The following SCHIP1 variants were observed in gnomAD, a reference collection of about 807,000 sequenced individuals.
The protein encoded by SCHIP1 is schwannomin interacting protein 1.
Under a neutral mutation model 29.7 loss-of-function variants are expected in SCHIP1, and 8 were observed. The ratio of observed to expected loss-of-function variants is 0.27; its 90% CI spans 0.16 to 0.49. The LOEUF (loss-of-function observed/expected upper bound fraction) is 0.49, where lower values mean the gene tolerates loss of function less well. Among genes scored for constraint, SCHIP1 ranks in the 20% least tolerant of loss-of-function variants. SCHIP1 has a pLI of 0.99. For synonymous variants in SCHIP1, 76 were observed against 94.9 expected (o/e 0.80, Z 1.16); for missense variants, 193 against 294.6 (o/e 0.66, Z 2.52).
At chr3:159,524,317 T>G in the SCHIP1 span, among the ~76,000 whole-genome samples, 7 of 152,366 alleles carry the variant, frequency 4.6e-5, no homozygotes, top group Admixed American at 4.6e-4. Flanking sequence ...TCTCTCTCCC[T>G]TGGTCTATCC....
the SCHIP1 span, among the ~76,000 whole-genome samples, chr3:159,324,881 T>C: frequency 2.0e-5 from 3 of 152,118 alleles, no homozygotes; most frequent in African/African-American, 7.2e-5. Flanking sequence ...ATCTGAGTGA[T>C]CTAAAAAAAG....
chr3:159,814,380 T>C, the SCHIP1 span, among the ~76,000 whole-genome samples: 19,440 of 152,270 alleles, frequency 0.13, 1,464 homozygotes, highest in Middle Eastern at 0.29. Flanking sequence ...ATAAACTTCC[T>C]GCCTGTGAAT....
chr3:159,312,082 A>T, the SCHIP1 span, among the ~76,000 whole-genome samples: 1 of 152,222 alleles, frequency 6.6e-6, no homozygotes, highest in African/African-American at 2.4e-5. Context: ...CTGGAAAGAC[A>T]TTCAAGCATG....
the SCHIP1 span, among the ~76,000 whole-genome samples, chr3:159,586,788 G>A: frequency 6.6e-6 from 1 of 151,660 alleles, no homozygotes; most frequent in African/African-American, 2.4e-5. Context: ...GAATGATGAG[G>A]CCTGAAGTCC....
chr3:159,324,879 G>C, the SCHIP1 span, among the ~76,000 whole-genome samples: 1 of 151,938 alleles, frequency 6.6e-6, no homozygotes, highest in Admixed American at 6.6e-5. Flanking sequence ...TTATCTGAGT[G>C]ATCTAAAAAA....
At chr3:159,546,509 C>A in the SCHIP1 span, among the ~76,000 whole-genome samples, 2 of 151,946 alleles carry the variant, frequency 1.3e-5, no homozygotes, top group African/African-American at 2.4e-5. Flanking sequence ...ACCTCTCAAC[C>A]CATCATCTAG....
the SCHIP1 span, among the ~76,000 whole-genome samples, chr3:159,318,607 G>A: frequency 1.3e-5 from 2 of 152,146 alleles, no homozygotes; most frequent in African/African-American, 4.8e-5. Flanking sequence ...CTCTTCCTCT[G>A]TCAATTGATA....
At chr3:159,850,415 G>A (rs138224151) in intron 1 of SCHIP1, among the ~76,000 whole-genome samples, 5 of 152,004 alleles carry the variant, frequency 3.3e-5, no homozygotes, top group East Asian at 1.9e-4. Context: ...TTAGCTGGGC[G>A]TGGTGGCGGG....
the SCHIP1 span, among the ~76,000 whole-genome samples, chr3:159,450,612 T>C: frequency 6.6e-6 from 1 of 152,114 alleles, no homozygotes; most frequent in Non-Finnish European, 1.5e-5. Flanking sequence ...CCAAAGCTTC[T>C]TCAAATACAC....
At chr3:159,479,752 G>C in the SCHIP1 span, among the ~76,000 whole-genome samples, 2 of 152,124 alleles carry the variant, frequency 1.3e-5, no homozygotes, top group African/African-American at 4.8e-5. Flanking sequence ...ATATGTAGGA[G>C]AGAAAAATGA....
At chr3:159,368,378 C>A in the SCHIP1 span, among the ~76,000 whole-genome samples, 3 of 152,182 alleles carry the variant, frequency 2.0e-5, no homozygotes, top group African/African-American at 7.2e-5. Flanking sequence ...TCTCTTATTT[C>A]ACACATCTAG....
chr3:159,681,825 GGTTAACTTGGGTTAACTCAAC>G, the SCHIP1 span, among the ~76,000 whole-genome samples: 2 of 152,034 alleles, frequency 1.3e-5, no homozygotes, highest in Non-Finnish European at 2.9e-5. Flanking sequence ...CGTTAACTTA[GGTTAACTTGGGTTAACTCAAC>G]GTTAACTTAG....
chr3:159,720,937 T>A, the SCHIP1 span, among the ~76,000 whole-genome samples: 1 of 152,226 alleles, frequency 6.6e-6, no homozygotes. Context: ...TTTCATTTTT[T>A]AAATTCATTT....
the SCHIP1 span, among the ~76,000 whole-genome samples, chr3:159,562,788 T>C: frequency 3.9e-5 from 6 of 152,146 alleles, no homozygotes; most frequent in Non-Finnish European, 8.8e-5. Flanking sequence ...GAGATAAAAT[T>C]AATGAACTGG....
At chr3:159,668,376 C>CAAAAAAAAAA in the SCHIP1 span, among the ~76,000 whole-genome samples, 159 of 46,400 alleles carry the variant, frequency 3.4e-3, 7 homozygotes, top group African/African-American at 0.014. Context: ...GACTCCGTCT[C>CAAAAAAAAAA]AAAAAAAAAA....
At chr3:159,564,014 T>A in the SCHIP1 span, among the ~76,000 whole-genome samples, 1 of 152,140 alleles carries the variant, frequency 6.6e-6, no homozygotes, top group Non-Finnish European at 1.5e-5. Context: ...ACAAGACTCT[T>A]ATTTTTATCT....
chr3:159,658,210 GACAAAACAT>G, the SCHIP1 span, among the ~76,000 whole-genome samples: 1 of 151,956 alleles, frequency 6.6e-6, no homozygotes, highest in Admixed American at 6.5e-5. Context: ...CCAATTCAAA[GACAAAACAT>G]GATATCTGGC....
At chr3:159,535,219 T>C in the SCHIP1 span, among the ~76,000 whole-genome samples, 333 of 152,326 alleles carry the variant, frequency 2.2e-3, no homozygotes, top group South Asian at 3.9e-3. Flanking sequence ...GTGTTTAGCA[T>C]ACATTATGAT....
chr3:159,769,148 G>A, the SCHIP1 span, among the ~76,000 whole-genome samples: 2 of 152,258 alleles, frequency 1.3e-5, no homozygotes, highest in South Asian at 4.2e-4. Flanking sequence ...GCACAGGACT[G>A]GACAGTTTTC....
Sources: allele counts gnomAD v4.1 joint callset (sites outside exome capture counted in the v4.1 genomes callset), GRCh38; gene constraint gnomAD v4.1.1; transcripts MANE v1.5; gene names NCBI Gene and HGNC (gene_info 2026-07-23, HGNC 2026-07-21).